Variants in EDIL3 observed in about 807,000 individuals in gnomAD.
EDIL3 encodes the protein EGF like and discoidin domains 3, also known as EGF-like repeat and discoidin I-like domain-containing protein 3.
Under a neutral mutation model 67.4 loss-of-function variants are expected in EDIL3, and 37 were observed. The observed-to-expected ratio is 0.55, with a 90% CI of 0.42 to 0.72. The LOEUF (loss-of-function observed/expected upper bound fraction) is 0.72. Among genes scored for constraint, EDIL3 ranks in the 30% least tolerant of loss-of-function variants. EDIL3 has a pLI of 0.00. For synonymous variants in EDIL3, 195 were observed against 196.3 expected, an observed-to-expected ratio of 0.99 and a Z score of 0.05; for missense variants, 527 against 586.3, an observed-to-expected ratio of 0.90 and a Z score of 1.04.
chr5:84,370,968 C>T (rs886597462), intron 1 of EDIL3, among the ~76,000 whole-genome samples: 5 of 151,884 alleles, frequency 3.3e-5, no homozygotes, highest in Non-Finnish European at 7.4e-5. Context: ...TAACTGAGTG[C>T]CTACTATATG....
chr5:84,072,223 T>A (rs1455322007), intron 6 of EDIL3, among the ~76,000 whole-genome samples: 1 of 152,048 alleles, frequency 6.6e-6, no homozygotes, highest in Non-Finnish European at 1.5e-5. Context: ...ACAAATTATA[T>A]CATAGCAAAT....
chr5:84,382,164 T>C (rs547952632), intron 1 of EDIL3, among the ~76,000 whole-genome samples: 1 of 152,346 alleles, frequency 6.6e-6, no homozygotes, highest in Non-Finnish European at 1.5e-5. Context: ...CCTCAAGCCT[T>C]TCCCCTGTCC....
chr5:84,272,092 A>C (rs1447952636), intron 1 of EDIL3, among the ~76,000 whole-genome samples: 2 of 152,202 alleles, frequency 1.3e-5, no homozygotes, highest in African/African-American at 4.8e-5. Context: ...CAACGCTCAC[A>C]CTTAGGTTAG....
chr5:84,102,680 A>G (rs1208241532), intron 6 of EDIL3, among the ~76,000 whole-genome samples: 1 of 152,052 alleles, frequency 6.6e-6, no homozygotes, highest in Non-Finnish European at 1.5e-5. Context: ...GAAATAAACA[A>G]TCTCTACAAT....
intron 6 of EDIL3, among the ~76,000 whole-genome samples, chr5:84,077,853 C>CT (rs34699251): frequency 0.017 from 2,491 of 148,214 alleles, 62 homozygotes; most frequent in African/African-American, 0.056. Context: ...TTTTCTTCCT[C>CT]TTTTTTTTTT....
intron 6 of EDIL3, among the ~76,000 whole-genome samples, chr5:84,075,274 C>T (rs370458082): frequency 6.6e-6 from 1 of 151,858 alleles, no homozygotes; most frequent in East Asian, 1.9e-4. Flanking sequence ...GGGTGCAGCA[C>T]ACCAGCATGG....
At chr5:84,351,400 C>T (rs1018548138) in intron 1 of EDIL3, among the ~76,000 whole-genome samples, 5 of 152,098 alleles carry the variant, frequency 3.3e-5, no homozygotes, top group African/African-American at 1.2e-4. Context: ...ACTTGAGCAA[C>T]CCAAGCTGCC....
intron 1 of EDIL3, among the ~76,000 whole-genome samples, chr5:84,259,129 T>C (rs1745177553): frequency 6.6e-6 from 1 of 151,944 alleles, no homozygotes; most frequent in African/African-American, 2.4e-5. Context: ...CCAGCTAATT[T>C]TCTGTATTTT....
chr5:84,282,138 T>C (rs962187704), intron 1 of EDIL3, among the ~76,000 whole-genome samples: 4 of 152,036 alleles, frequency 2.6e-5, no homozygotes, highest in Non-Finnish European at 2.9e-5. Context: ...CCCAAAGTGC[T>C]GGGATTACAG....
intron 3 of EDIL3, among the ~76,000 whole-genome samples, chr5:84,220,430 T>C (rs1399740167): frequency 5.3e-5 from 8 of 152,222 alleles, no homozygotes; most frequent in Non-Finnish European, 1.2e-4. Context: ...TTTAGTATTA[T>C]TGAGATGTAC....
rs1017766998 is a variant in EDIL3 at position 83,983,468 on chromosome 5, T to C, written c.1138-20108A>G. 2.0e-5 allele frequency among the ~76,000 whole-genome samples: 3 copies of C among 152,076 alleles called. No individual in the cohort carries two copies. In the South Asian group the frequency reaches 6.2e-4, roughly 31 times the overall value. ...ATAAACAGCAAGGAAAAATTACGTG[T>C]AAATAGCCAAAGAAATGTTTGAGTG... On this transcript the variant is annotated intron_variant, in intron 9 of 10. Transcript: ENST00000296591.
At chr5:84,045,074 T>G (rs1354824994) in intron 9 of EDIL3, among the ~76,000 whole-genome samples, 1 of 152,042 alleles carries the variant, frequency 6.6e-6, no homozygotes, top group Non-Finnish European at 1.5e-5. Context: ...TAGATGGCCA[T>G]GGGGAGAATG....
At chr5:84,257,408 T>C (rs1013307893) in intron 1 of EDIL3, among the ~76,000 whole-genome samples, 4 of 152,232 alleles carry the variant, frequency 2.6e-5, no homozygotes, top group Non-Finnish European at 2.9e-5. Context: ...TTTTTGCTTA[T>C]GGAAACACAT....
chr5:84,084,360 T>A (rs1173737335), intron 6 of EDIL3, among the ~76,000 whole-genome samples: 1 of 152,202 alleles, frequency 6.6e-6, no homozygotes, highest in Non-Finnish European at 1.5e-5. Flanking sequence ...ATCATTCTTT[T>A]ATTTTTTGAT....
rs73769749 is a variant in EDIL3, at chr5:84,152,960, T to A, written c.356-15606A>T. On this transcript the variant is annotated intron_variant, in intron 4 of 10. Transcript: ENST00000296591. ...ATAGATACTAATATACTATACTAAATTCATATGTTATGAAAATACAGAGGT... is the reference window on the plus strand; with the variant it reads ...ATAGATACTAATATACTATACTAAAATCATATGTTATGAAAATACAGAGGT... 8.3e-3 allele frequency among the ~76,000 whole-genome samples: 1,271 copies of A among 152,324 alleles called. 19 individuals are homozygous for A. The highest frequency in any genetic ancestry group is 0.029 in the African/African-American group (1,222 of 41,566).
intron 6 of EDIL3, among the ~76,000 whole-genome samples, chr5:84,099,777 A>C (rs910838840): frequency 6.6e-6 from 1 of 152,178 alleles, no homozygotes; most frequent in Non-Finnish European, 1.5e-5. Flanking sequence ...AGAAACTATT[A>C]TCAGAGTGAA....
rs145317423 is a variant in EDIL3, at chr5:84,072,226, T to C, written c.652-5620A>G. Among the ~76,000 whole-genome samples, 604 of 152,172 alleles carry C rather than the reference T, an allele frequency of 4.0e-3. 5 individuals are homozygous for C. The highest frequency in any genetic ancestry group is 0.014 in the African/African-American group (583 of 41,554). ...GATTAAACTTTTACAAATTATATCA[T>C]AGCAAATGGTTGATCAATCAAAGAT... is the stretch of plus-strand genomic sequence containing the variant. On this transcript the variant is annotated intron_variant, in intron 6 of 10. Transcript: ENST00000296591.
At chr5:84,108,422 C>A (rs1580330688) in intron 5 of EDIL3, among the ~76,000 whole-genome samples, 1 of 152,018 alleles carries the variant, frequency 6.6e-6, no homozygotes, top group East Asian at 1.9e-4. Context: ...ATAATAAGAT[C>A]TTTTTTTAAC....
At chr5:84,282,176 T>C (rs1745719023) in intron 1 of EDIL3, among the ~76,000 whole-genome samples, 1 of 152,042 alleles carries the variant, frequency 6.6e-6, no homozygotes, top group Non-Finnish European at 1.5e-5. Context: ...CGGCCTCATA[T>C]TTTTTAAAGA....
Sources: allele counts gnomAD v4.1 joint callset (sites outside exome capture counted in the v4.1 genomes callset), GRCh38; gene constraint gnomAD v4.1.1; transcripts MANE v1.5; gene names NCBI Gene and HGNC (gene_info 2026-07-23, HGNC 2026-07-21).